The following EP400 variants were observed in gnomAD, a reference collection of about 807,000 sequenced individuals.
EP400 encodes E1A-binding protein p400.
A neutral mutation model predicts 354.1 loss-of-function variants in EP400; 105 were observed. The ratio of observed to expected loss-of-function variants is 0.30; its 90% confidence interval spans 0.25 to 0.35. The LOEUF (loss-of-function observed/expected upper bound fraction) is 0.35, where lower values mean the gene tolerates loss of function less well. Among genes scored for constraint, EP400 ranks in the 10% least tolerant of loss-of-function variants. The pLI is 1.00. For synonymous variants in EP400, 1,646 were observed against 1,716.9 expected (o/e 0.96, Z 1.02); for missense variants, 3,280 against 4,121.0 (o/e 0.80, Z 5.59).
chr12:131,979,600 G>A, intron 2 of EP400, 94 bp from the exon 3 acceptor site: 3 of 1,048,014 alleles, frequency 2.9e-6, no homozygotes, highest in Non-Finnish European at 4.1e-6. Flanking sequence ...TAGAAAGGAA[G>A]GAGGTCGATG....
chr12:131,979,607 G>A (rs948203894), intron 2 of EP400, 87 bp from the exon 3 acceptor site: 123 of 1,180,640 alleles, frequency 1.0e-4, no homozygotes, highest in Non-Finnish European at 1.3e-4. Flanking sequence ...GAAGGAGGTC[G>A]ATGTTTGGGA....
intron 37 of EP400, 140 bp from the exon 38 acceptor site, chr12:132,045,179 G>T: frequency 1.4e-6 from 2 of 1,380,698 alleles, no homozygotes; most frequent in Non-Finnish European, 1.9e-6. Context: ...CCCGAAAGCA[G>T]GTCTGTCTTT....
Position 132,069,648 on chromosome 12 carries a change from G to A in EP400, c.9021+7G>A, listed in dbSNP as rs118191311. On this transcript the variant is annotated splice_region_variant and intron_variant, in intron 51 of 52. Coordinates refer to ENST00000389561, the MANE Select transcript of EP400 (RefSeq NM_015409.5). ...AGTGCAGACCCAGATCCAGGTGAGCGGGGAACAGGGTGAGGGCCCGAGTGT... is the reference window on the plus strand; with the variant it reads ...AGTGCAGACCCAGATCCAGGTGAGCAGGGAACAGGGTGAGGGCCCGAGTGT... The A allele has an allele frequency of 6.2e-6, 10 of 1,613,936 alleles. No homozygotes were observed. The highest frequency in any genetic ancestry group is 1.7e-4 in the Middle Eastern group (1 of 6,058).
At chr12:131,972,080 G>T (rs1593316809) in intron 2 of EP400, among the ~76,000 whole-genome samples, 1 of 152,022 alleles carries the variant, frequency 6.6e-6, no homozygotes, top group Non-Finnish European at 1.5e-5. Context: ...AAATAGAAAA[G>T]AGTTAAAATG....
chr12:132,036,113 C>T (rs1419540625), intron 30 of EP400, among the ~76,000 whole-genome samples: 1 of 149,986 alleles, frequency 6.7e-6, no homozygotes, highest in East Asian at 2.0e-4. Context: ...AGGACACACC[C>T]GGGTTCACAC....
At chr12:132,009,159 T>C (rs1352157135) in intron 15 of EP400, among the ~76,000 whole-genome samples, 2 of 151,792 alleles carry the variant, frequency 1.3e-5, no homozygotes, top group African/African-American at 4.8e-5. Flanking sequence ...CTTGAACTCC[T>C]GGGCTCAAGA....
At chr12:131,962,832 A>G (rs1891938634) in intron 2 of EP400, among the ~76,000 whole-genome samples, 1 of 152,176 alleles carries the variant, frequency 6.6e-6, no homozygotes, top group South Asian at 2.1e-4. Context: ...GTTTTATGAT[A>G]CAGTTAAAAT....
chr12:131,973,590 C>T (rs938330918), intron 2 of EP400, among the ~76,000 whole-genome samples: 2 of 152,146 alleles, frequency 1.3e-5, no homozygotes, highest in Non-Finnish European at 2.9e-5. Flanking sequence ...CTACAGTGAG[C>T]CAAGATTGTG....
intron 1 of EP400, among the ~76,000 whole-genome samples, chr12:131,960,034 C>T (rs996498087): frequency 6.6e-6 from 1 of 152,202 alleles, no homozygotes; most frequent in African/African-American, 2.4e-5. Context: ...GCTGCACACC[C>T]TCATTCAGCA....
chr12:131,975,932 C>A (rs1892457971), intron 2 of EP400, among the ~76,000 whole-genome samples: 1 of 152,066 alleles, frequency 6.6e-6, no homozygotes. Flanking sequence ...AACTCCTGAC[C>A]TCAAGCAGTC....
chr12:132,031,704 T>C (rs1034229934), intron 29 of EP400, among the ~76,000 whole-genome samples: 42 of 152,034 alleles, frequency 2.8e-4, no homozygotes, highest in Non-Finnish European at 4.1e-4. Flanking sequence ...TGCAGGCGCC[T>C]GCCACCACGC....
rs760508158 is a variant in EP400 at position 132,064,836 on chromosome 12, G to A, written c.8503G>A (p.Gly2835Ser). Residue 2835 changes from glycine (G) to serine (S), a missense_variant, in exon 48 of 53, where the codon GGT becomes AGT. By Grantham distance (56) the Gly-to-Ser change is moderately conservative. Transcript: ENST00000389561. ...CACGACGGTCACGGCCCCAAGGCCT[G>A]GTGCCCTGCTGACGGGCACCACCGT... is the stretch of plus-strand genomic sequence containing the variant. ...QLTTVTAPRPGALLTGTTVAN... is the reference protein window; with the variant it reads ...QLTTVTAPRPSALLTGTTVAN... 2.5e-6 allele frequency: 4 copies of A among 1,612,108 alleles called. No homozygotes were observed. The East Asian group carries it at 8.9e-5, about 36-fold the overall frequency.
At position 132,059,862 on chromosome 12, in the gene EP400, A is replaced by C. The variant is rs572053885; in HGVS notation, c.7885-2248A>C. 4.3e-5 allele frequency among the ~76,000 whole-genome samples: 6 copies of C among 139,908 alleles called. 1 individual carries two copies. Among genetic ancestry groups the C allele is most frequent in the African/African-American group, 1.5e-4 (6 of 39,896 alleles). The allele number at this position is 139,908 out of a possible 152,430, so 91.8% of individuals were successfully genotyped here. A position where few individuals can be genotyped will look rare whatever the true frequency, so the allele number is the denominator to read the frequency against. ...AAACCCCGTGTCTACAGAAAATACA[A>C]AAAAAAAAAAATCAGCCAGGTGTGG... On this transcript the variant is annotated intron_variant, in intron 45 of 52. Transcript: ENST00000389561.
At chr12:131,968,521 T>C (rs1466687755) in intron 2 of EP400, among the ~76,000 whole-genome samples, 1 of 152,266 alleles carries the variant, frequency 6.6e-6, no homozygotes, top group African/African-American at 2.4e-5. Context: ...TCCAAGTTTG[T>C]TCTCCTTTTT....
intron 47 of EP400, 56 bp from the exon 48 acceptor site, chr12:132,064,612 C>T (rs1479800761): frequency 2.5e-6 from 4 of 1,577,916 alleles, no homozygotes; most frequent in East Asian, 4.5e-5. Context: ...AAGATGTCTA[C>T]TTAAAGAATG....
At chr12:131,955,176 T>C (rs1259269573) in intron 1 of EP400, among the ~76,000 whole-genome samples, 1 of 152,210 alleles carries the variant, frequency 6.6e-6, no homozygotes, top group Non-Finnish European at 1.5e-5. Flanking sequence ...AGATAAACAG[T>C]TTCTTTGCAT....
rs146255555 is a variant in EP400 at position 131,966,625 on chromosome 12, C to T, written c.1335+4671C>T. Among the ~76,000 whole-genome samples the T allele has an allele frequency of 1.8e-3, 263 of 147,476 alleles. 3 individuals are homozygous for T. In the East Asian group the frequency reaches 0.045, roughly 25 times the overall value. On this transcript the variant is annotated intron_variant, in intron 2 of 52. Coordinates refer to ENST00000389561, the MANE Select transcript of EP400 (RefSeq NM_015409.5). ...TCTACTAAAAATTAAAAAATTAGGCCGGGCGTGGTAGCTCATGCCTGTAAT... is the reference window on the plus strand; with the variant it reads ...TCTACTAAAAATTAAAAAATTAGGCTGGGCGTGGTAGCTCATGCCTGTAAT...
intron 6 of EP400, among the ~76,000 whole-genome samples, chr12:131,987,363 A>G (rs1385691140): frequency 6.6e-6 from 1 of 152,202 alleles, no homozygotes; most frequent in African/African-American, 2.4e-5. Flanking sequence ...CAGATTATCT[A>G]GAAGCAAATT....
Position 132,038,118 on chromosome 12 carries a change from C to T in EP400, c.6207+22C>T, listed in dbSNP as rs745412693. The T allele has an allele frequency of 9.3e-6, 15 of 1,613,700 alleles. No homozygotes were observed. The highest frequency in any genetic ancestry group is 1.1e-5 in the Non-Finnish European group (13 of 1,179,764). Reference sequence around the variant, plus strand: ...AGAGGTAAGAATACATTGAATCTGGCTGAAGAGTTGCACGGTGGGAGCCGG... The same window carrying T: ...AGAGGTAAGAATACATTGAATCTGGTTGAAGAGTTGCACGGTGGGAGCCGG... On this transcript the variant is annotated intron_variant, in intron 32 of 52. Coordinates refer to ENST00000389561, the MANE Select transcript of EP400 (RefSeq NM_015409.5). This position sits in a 1 kb window ranked among gnomAD's most constrained non-coding sequence, Gnocchi z 4.2.
Sources: allele counts gnomAD v4.1 joint callset (sites outside exome capture counted in the v4.1 genomes callset), GRCh38; gene constraint gnomAD v4.1.1; non-coding constraint Gnocchi (gnomAD v3.1); transcripts MANE v1.5; gene names NCBI Gene and HGNC (gene_info 2026-07-23, HGNC 2026-07-21).